PCDHGA10: variants seen among roughly 807,000 people sequenced by gnomAD.
The protein encoded by PCDHGA10 is protocadherin gamma-A10.
A neutral mutation model predicts 59.5 loss-of-function variants in PCDHGA10; 42 were observed. The ratio of observed to expected loss-of-function variants is 0.71; its 90% confidence interval spans 0.55 to 0.91. The LOEUF (loss-of-function observed/expected upper bound fraction) is 0.91, where lower values mean the gene tolerates loss of function less well. Ranked by LOEUF, PCDHGA10 falls within the 40% of genes least tolerant of loss-of-function variation. The probability of loss-of-function intolerance (pLI) is 0.00; values close to 1 mark genes in which losing one functional copy is unlikely to be tolerated. For missense variants in PCDHGA10, 1,111 were observed against 1,198.2 expected (o/e 0.93, Z 1.07); for synonymous variants, 511 against 517.2 (o/e 0.99, Z 0.16).
chr5:141,450,479 G>GTTTT (rs1165567597), intron 1 of PCDHGA10, among the ~76,000 whole-genome samples: 124 of 152,020 alleles, frequency 8.2e-4, no homozygotes, highest in African/African-American at 2.9e-3. Flanking sequence ...GAGTTTGTTT[G>GTTTT]TTTGTTTGTC....
At chr5:141,426,919 C>T (rs1220443930) in intron 1 of PCDHGA10, 1 of 456,620 alleles carries the variant, frequency 2.2e-6, no homozygotes, top group African/African-American at 2.0e-5. Flanking sequence ...GTCCTGGAAG[C>T]AATGGACATG....
Position 141,476,977 on chromosome 5 carries a change from C to A in PCDHGA10, c.2437-17830C>A, listed in dbSNP as rs141692339. On this transcript the variant is annotated intron_variant, in intron 1 of 3. Coordinates refer to ENST00000398610, the MANE Select transcript of PCDHGA10 (RefSeq NM_018913.3). The surrounding 1 kb of genome is among the most constrained non-coding windows in gnomAD (Gnocchi z 7.6). The stretch of plus-strand genomic sequence containing the variant: ...TTATTTACTCCTTCGGCAGCCACAA[C>A]CGCGCCGGCGTGCGGCAACTATTCG... 6.2e-7 allele frequency: 1 copy of A among 1,614,232 alleles called. No individual in the cohort carries two copies. The highest frequency in any genetic ancestry group is 8.5e-7 in the Non-Finnish European group (1 of 1,180,040).
intron 1 of PCDHGA10, chr5:141,422,754 C>T: frequency 1.2e-6 from 2 of 1,612,450 alleles, no homozygotes; most frequent in Non-Finnish European, 1.7e-6. Flanking sequence ...TCTCTATTAA[C>T]TCCAACACTG....
chr5:141,500,114 G>A (rs72790070), intron 2 of PCDHGA10, among the ~76,000 whole-genome samples: 10,550 of 151,670 alleles, frequency 0.07, 640 homozygotes, highest in African/African-American at 0.16. Flanking sequence ...TTGAATCCCT[G>A]CCTTTTCATA....
Position 141,491,260 on chromosome 5 carries a change from A to G in PCDHGA10, c.2437-3547A>G. On this transcript the variant is annotated intron_variant, in intron 1 of 3. Coordinates refer to ENST00000398610, the MANE Select transcript of PCDHGA10 (RefSeq NM_018913.3). This position sits in a 1 kb window ranked among gnomAD's most constrained non-coding sequence, Gnocchi z 6.9. ...TCTGGAGGATGAGGACCCTGAGGAA[A>G]TGCCCAAATCCAGTGACTTCCTCAT... 6.2e-7 allele frequency: 1 copy of G among 1,614,108 alleles called. No individual in the cohort carries two copies. The highest frequency in any genetic ancestry group is 1.7e-5 in the Admixed American group (1 of 60,028).
rs746968245 is a variant in PCDHGA10, at chr5:141,489,575, A to AC, written c.2437-5227dup. 2 of 1,613,788 alleles carry AC rather than the reference A, an allele frequency of 1.2e-6. No homozygotes were observed. Among genetic ancestry groups the AC allele is most frequent in the Non-Finnish European group, 1.7e-6 (2 of 1,179,960 alleles). On this transcript the variant is annotated intron_variant, in intron 1 of 3. Coordinates refer to ENST00000398610, the MANE Select transcript of PCDHGA10 (RefSeq NM_018913.3). The surrounding 1 kb of genome is among the most constrained non-coding windows in gnomAD (Gnocchi z 4.5). ...CTGCCAGTGCAGGTGGTGACTGAACACCCCCTGGAGCTAATCCGTGTAGAG... is the reference window on the plus strand; with the variant it reads ...CTGCCAGTGCAGGTGGTGACTGAACACCCCCCTGGAGCTAATCCGTGTAGAG...
At chr5:141,459,215 G>C (rs2098963353) in intron 1 of PCDHGA10, among the ~76,000 whole-genome samples, 1 of 152,112 alleles carries the variant, frequency 6.6e-6, no homozygotes, top group South Asian at 2.1e-4. Flanking sequence ...TACTTCTCCA[G>C]CTCCAGGCAA....
chr5:141,422,568 C>T (rs372115955), intron 1 of PCDHGA10: 91 of 1,613,904 alleles, frequency 5.6e-5, no homozygotes, highest in Non-Finnish European at 7.5e-5. Flanking sequence ...CAGATGACAA[C>T]GATAACCCTC....
chr5:141,499,047 GA>G (rs2099789201), intron 2 of PCDHGA10, among the ~76,000 whole-genome samples: 1 of 151,580 alleles, frequency 6.6e-6, no homozygotes, highest in South Asian at 2.1e-4. Flanking sequence ...GAAAAAGGGA[GA>G]AAAAATGAAG....
intron 2 of PCDHGA10, 141 bp downstream of exon 2, chr5:141,495,006 G>A (rs1030195663): frequency 1.3e-6 from 2 of 1,521,564 alleles, no homozygotes; most frequent in Non-Finnish European, 1.8e-6. Flanking sequence ...CTTGGTGTGC[G>A]GGGGGCTGGC....
At chr5:141,488,797 T>G (rs1451050520) in intron 1 of PCDHGA10, among the ~76,000 whole-genome samples, 6 of 152,158 alleles carry the variant, frequency 3.9e-5, no homozygotes, top group Non-Finnish European at 8.8e-5. Context: ...TCTTCCCTGT[T>G]GAGTACCATC....
intron 1 of PCDHGA10, among the ~76,000 whole-genome samples, chr5:141,469,599 A>G (rs2099206392): frequency 6.6e-6 from 1 of 152,192 alleles, no homozygotes; most frequent in Non-Finnish European, 1.5e-5. Flanking sequence ...ATAAAACAAA[A>G]TAAGTAAAAT....
At chr5:141,443,088 T>G (rs188899890) in intron 1 of PCDHGA10, among the ~76,000 whole-genome samples, 1 of 151,974 alleles carries the variant, frequency 6.6e-6, no homozygotes, top group African/African-American at 2.4e-5. Context: ...TGTTCCAGTC[T>G]CCTTCTCAAG....
At position 141,413,356 on chromosome 5, in the gene PCDHGA10, C is replaced by T; in HGVS notation, c.181C>T (p.Arg61Trp). ...CTCCAAGGACTTGGGTCTGGCGCCC[C>T]GGGAGCTGGCGGAGCGCGGAGTCCG... ...NISKDLGLAPRELAERGVRIV... is the reference protein window; with the variant it reads ...NISKDLGLAPWELAERGVRIV... Residue 61 changes from arginine (R) to tryptophan (W), a missense_variant, in exon 1 of 4, where the codon CGG becomes TGG. By Grantham distance (101) the Arg-to-Trp change is moderately radical. Transcript: ENST00000398610. 1 of 1,613,962 alleles carries T rather than the reference C, an allele frequency of 6.2e-7. No individual in the cohort carries two copies. The highest frequency in any genetic ancestry group is 1.1e-5 in the South Asian group (1 of 91,086).
intron 1 of PCDHGA10, among the ~76,000 whole-genome samples, chr5:141,494,034 A>T (rs1206242414): frequency 1.3e-5 from 2 of 152,162 alleles, no homozygotes; most frequent in Non-Finnish European, 2.9e-5. Flanking sequence ...CTGGAGACTT[A>T]GTTGGCCCTG....
chr5:141,500,491 G>A (rs1595677531), intron 2 of PCDHGA10, among the ~76,000 whole-genome samples: 1 of 152,156 alleles, frequency 6.6e-6, no homozygotes, highest in East Asian at 1.9e-4. Context: ...TTACAGGCGT[G>A]AGCCACCGCG....
intron 1 of PCDHGA10, chr5:141,479,563 G>A (rs1469231382): frequency 2.6e-5 from 4 of 152,206 alleles, no homozygotes; most frequent in Admixed American, 2.0e-4. Context: ...ATCCAGTAGT[G>A]GGATGACATC....
chr5:141,427,099 A>G (rs989437547), intron 1 of PCDHGA10: 3 of 457,936 alleles, frequency 6.6e-6, no homozygotes, highest in African/African-American at 6.0e-5. Context: ...GAGGGTGTCA[A>G]TGCGGAGATC....
chr5:141,478,415 C>G (rs182700706), intron 1 of PCDHGA10: 5 of 1,613,648 alleles, frequency 3.1e-6, no homozygotes, highest in Non-Finnish European at 4.2e-6. Context: ...CACGGACTCC[C>G]GCCGCAGCGA....
Sources: allele counts gnomAD v4.1 joint callset (sites outside exome capture counted in the v4.1 genomes callset), GRCh38; gene constraint gnomAD v4.1.1; non-coding constraint Gnocchi (gnomAD v3.1); transcripts MANE v1.5; gene names NCBI Gene and HGNC (gene_info 2026-07-23, HGNC 2026-07-21).